The following MEF2A variants were observed in gnomAD, a reference collection of about 807,000 sequenced individuals.
The protein encoded by MEF2A is myocyte-specific enhancer factor 2A.
MEF2A carries 28 observed loss-of-function variants against 55.8 expected under a neutral mutation model. The observed-to-expected ratio is 0.50, with a 90% confidence interval of 0.37 to 0.69. The LOEUF (loss-of-function observed/expected upper bound fraction) is 0.69, where lower values mean the gene tolerates loss of function less well. Ranked by LOEUF, MEF2A falls within the 30% of genes least tolerant of loss-of-function variation. The probability of loss-of-function intolerance (pLI) is 0.00; values close to 1 mark genes in which losing one functional copy is unlikely to be tolerated. For synonymous variants in MEF2A, 239 were observed against 227.1 expected, an observed-to-expected ratio of 1.05 and a Z score of -0.47; for missense variants, 528 against 626.2, an observed-to-expected ratio of 0.84 and a Z score of 1.67.
At chr15:99,645,851 C>A in intron 4 of MEF2A, 87 bp downstream of exon 4, 1 of 951,278 alleles carries the variant, frequency 1.1e-6, no homozygotes. Context: ...ACTTGTACAT[C>A]TAAAACATAA....
intron 1 of MEF2A, among the ~76,000 whole-genome samples, chr15:99,570,262 T>C (rs1961584942): frequency 6.6e-6 from 1 of 152,174 alleles, no homozygotes; most frequent in Non-Finnish European, 1.5e-5. Flanking sequence ...AACATATTAA[T>C]TAATCAAACT....
chr15:99,616,087 C>T (rs1047985227), intron 2 of MEF2A, among the ~76,000 whole-genome samples: 20 of 151,980 alleles, frequency 1.3e-4, no homozygotes, highest in Middle Eastern at 3.4e-3. Context: ...CACAGTCAGA[C>T]TAGTTCTTAA....
At chr15:99,596,628 G>C (rs1971268354) in intron 1 of MEF2A, among the ~76,000 whole-genome samples, 1 of 152,166 alleles carries the variant, frequency 6.6e-6, no homozygotes, top group South Asian at 2.1e-4. Flanking sequence ...TGATGAAATG[G>C]ATTTACTTGG....
intron 8 of MEF2A, among the ~76,000 whole-genome samples, chr15:99,700,272 G>A (rs2057228511): frequency 2.1e-5 from 3 of 146,002 alleles, no homozygotes; most frequent in African/African-American, 5.0e-5. Flanking sequence ...CCAGCACTTC[G>A]GGAGGCTGAG....
chr15:99,610,405 T>C (rs1209733186), intron 2 of MEF2A, among the ~76,000 whole-genome samples: 91 of 22,876 alleles, frequency 4.0e-3, no homozygotes, highest in African/African-American at 0.017. Flanking sequence ...CCAGCTGGTC[T>C]CCCCCGCCCC....
Position 99,566,904 on chromosome 15 carries a change from C to A in MEF2A, c.-225+800C>A, listed in dbSNP as rs115387337. 2.4e-3 allele frequency among the ~76,000 whole-genome samples: 373 copies of A among 152,338 alleles called. 1 individual carries two copies. Among genetic ancestry groups the A allele is most frequent in the African/African-American group, 8.4e-3 (351 of 41,582 alleles). ...AGGGAACCGCTGGCTGAACCCCTGC[C>A]ATCCGGCTAGATCCCAGCTCGCAGA... On this transcript the variant is annotated intron_variant, in intron 1 of 11. Transcript: ENST00000557942.
chr15:99,650,771 C>G (rs1252247889), intron 4 of MEF2A, among the ~76,000 whole-genome samples: 2 of 152,198 alleles, frequency 1.3e-5, no homozygotes, highest in Non-Finnish European at 1.5e-5. Context: ...TTTAAAATCA[C>G]TGGTCCTCAC....
At chr15:99,580,859 A>G (rs533213281) in intron 1 of MEF2A, among the ~76,000 whole-genome samples, 1 of 152,044 alleles carries the variant, frequency 6.6e-6, no homozygotes, top group Admixed American at 6.5e-5. Context: ...TATTTATTCT[A>G]CTTTTGGTTT....
intron 7 of MEF2A, among the ~76,000 whole-genome samples, chr15:99,680,755 C>A (rs2053082682): frequency 6.6e-6 from 1 of 152,040 alleles, no homozygotes; most frequent in Non-Finnish European, 1.5e-5. Flanking sequence ...AGGGAAAAAT[C>A]CAAAGAGATT....
intron 8 of MEF2A, among the ~76,000 whole-genome samples, chr15:99,700,207 CACACACAT>C (rs2057210727): frequency 7.2e-6 from 1 of 138,218 alleles, no homozygotes; most frequent in Admixed American, 7.3e-5. Flanking sequence ...CACACACACA[CACACACAT>C]ATGTACGTAT....
At chr15:99,681,677 T>G (rs1335840054) in intron 7 of MEF2A, 1 of 152,234 alleles carries the variant, frequency 6.6e-6, no homozygotes, top group Non-Finnish European at 1.5e-5. Flanking sequence ...TTGTTATAAA[T>G]TTTTATTGGA....
At chr15:99,621,326 CTT>C (rs200303929) in intron 2 of MEF2A, among the ~76,000 whole-genome samples, 6 of 152,020 alleles carry the variant, frequency 3.9e-5, no homozygotes, top group African/African-American at 1.4e-4. Context: ...TATATTCACT[CTT>C]TTGATTGTGT....
At chr15:99,648,616 G>A (rs952981806) in intron 4 of MEF2A, among the ~76,000 whole-genome samples, 1 of 151,918 alleles carries the variant, frequency 6.6e-6, no homozygotes, top group African/African-American at 2.4e-5. Flanking sequence ...ACTTCCATAA[G>A]GCCTATAACC....
At chr15:99,616,535 CT>C (rs2040214952) in intron 2 of MEF2A, among the ~76,000 whole-genome samples, 1 of 152,136 alleles carries the variant, frequency 6.6e-6, no homozygotes, top group Non-Finnish European at 1.5e-5. Flanking sequence ...CTTACCAGTA[CT>C]TTCTACTGCC....
intron 7 of MEF2A, among the ~76,000 whole-genome samples, chr15:99,689,696 G>A (rs112130720): frequency 6.6e-6 from 1 of 152,122 alleles, no homozygotes; most frequent in African/African-American, 2.4e-5. Flanking sequence ...GGCCAAGCTG[G>A]TCTCAAACAC....
rs775841071 is a variant in MEF2A, at chr15:99,645,514, A to G, written c.55-47A>G. ...TTCATCTTCAGATAGCCCATATTCA[A>G]GTACTACTAATGCTTTTAATAAAAA... On this transcript the variant is annotated intron_variant, in intron 3 of 11. Coordinates refer to ENST00000557942, the MANE Select transcript of MEF2A (RefSeq NM_001319206.4). 2.5e-5 allele frequency: 34 copies of G among 1,364,542 alleles called. No individual in the cohort carries two copies. In the African/African-American group the frequency reaches 4.3e-4, roughly 17 times the overall value. 84.5% of individuals were successfully genotyped at this position (1,364,542 alleles called of 1,614,324 possible). A position where few individuals can be genotyped will look rare whatever the true frequency, so the allele number is the denominator to read the frequency against.
intron 8 of MEF2A, among the ~76,000 whole-genome samples, chr15:99,700,586 G>A (rs1042419614): frequency 2.0e-5 from 3 of 152,144 alleles, no homozygotes; most frequent in African/African-American, 7.2e-5. Context: ...TCTGTTTGCT[G>A]AGAGGTCTGT....
chr15:99,660,104 G>A (rs1453254606), intron 4 of MEF2A, among the ~76,000 whole-genome samples: 1 of 152,122 alleles, frequency 6.6e-6, no homozygotes, highest in Non-Finnish European at 1.5e-5. Context: ...GAGTTGCAAA[G>A]ATAATAATCA....
At chr15:99,690,172 CTT>C in intron 7 of MEF2A, 67 bp from the exon 8 acceptor site, 1 of 1,471,858 alleles carries the variant, frequency 6.8e-7, no homozygotes, top group Non-Finnish European at 9.3e-7. Flanking sequence ...CTGGGGAAAA[CTT>C]GATTTGTTTG....
Sources: gnomAD v4.1 joint callset for allele counts (sites outside exome capture counted in the v4.1 genomes callset) on GRCh38, gnomAD v4.1.1 for gene constraint, MANE v1.5 for transcripts, NCBI Gene and HGNC (gene_info 2026-07-23, HGNC 2026-07-21) for gene names.